Variants in UBE2E2 observed in about 807,000 individuals in gnomAD.
UBE2E2 encodes the protein ubiquitin conjugating enzyme E2 E2.
Under a neutral mutation model 24.7 loss-of-function variants are expected in UBE2E2, and 6 were observed. The observed-to-expected ratio is 0.24, with a 90% CI of 0.13 to 0.48. The LOEUF (loss-of-function observed/expected upper bound fraction) is 0.48, where lower values mean the gene tolerates loss of function less well. Ranked by LOEUF, UBE2E2 falls within the 20% of genes least tolerant of loss-of-function variation. UBE2E2 has a pLI of 0.99. For synonymous variants in UBE2E2, 104 were observed against 83.6 expected (o/e 1.24, Z -1.33); for missense variants, 169 against 245.0 (o/e 0.69, Z 2.07).
At chr3:23,411,084 T>C (rs1697485343) in intron 3 of UBE2E2, among the ~76,000 whole-genome samples, 1 of 152,004 alleles carries the variant, frequency 6.6e-6, no homozygotes, top group Non-Finnish European at 1.5e-5. Flanking sequence ...CAGGTGCAAA[T>C]ATTTCACATC....
intron 3 of UBE2E2, among the ~76,000 whole-genome samples, chr3:23,332,720 C>T (rs899484155): frequency 7.6e-6 from 1 of 132,382 alleles, no homozygotes; most frequent in African/African-American, 2.9e-5. Context: ...TGTGTGTGTG[C>T]AGCTATGGAT....
At chr3:23,494,324 A>G (rs1699561077) in intron 3 of UBE2E2, among the ~76,000 whole-genome samples, 1 of 152,226 alleles carries the variant, frequency 6.6e-6, no homozygotes, top group Non-Finnish European at 1.5e-5. Flanking sequence ...TCTTTACGCC[A>G]ATACATTCCA....
chr3:23,510,087 G>A (rs904799907), intron 4 of UBE2E2, among the ~76,000 whole-genome samples: 3 of 152,124 alleles, frequency 2.0e-5, no homozygotes, highest in Non-Finnish European at 4.4e-5. Context: ...CCGTAAGGTA[G>A]CAGCCTCTTA....
intron 3 of UBE2E2, among the ~76,000 whole-genome samples, chr3:23,434,660 G>A (rs1698144050): frequency 6.6e-6 from 1 of 152,022 alleles, no homozygotes; most frequent in Non-Finnish European, 1.5e-5. Flanking sequence ...TTAGGTAATT[G>A]CATAAAAATT....
At chr3:23,370,033 G>A (rs1168875289) in intron 3 of UBE2E2, among the ~76,000 whole-genome samples, 2 of 152,144 alleles carry the variant, frequency 1.3e-5, no homozygotes, top group Admixed American at 6.6e-5. Flanking sequence ...GCTGTTGTAA[G>A]GGCTGTAAAC....
At chr3:23,315,932 G>A (rs916442217) in intron 3 of UBE2E2, among the ~76,000 whole-genome samples, 1 of 152,040 alleles carries the variant, frequency 6.6e-6, no homozygotes, top group Non-Finnish European at 1.5e-5. Context: ...GGATTACCTG[G>A]CAGAGACTCT....
chr3:23,411,586 A>C (rs920309189), intron 3 of UBE2E2, among the ~76,000 whole-genome samples: 1 of 152,194 alleles, frequency 6.6e-6, no homozygotes, highest in Non-Finnish European at 1.5e-5. Context: ...TGCTAAATTA[A>C]ACATTTTAAA....
chr3:23,258,641 C>T (rs1404385669), intron 3 of UBE2E2, among the ~76,000 whole-genome samples: 1 of 152,076 alleles, frequency 6.6e-6, no homozygotes, highest in Admixed American at 6.6e-5. Context: ...CGCCTATAAT[C>T]CCACCACGTT....
At chr3:23,258,159 T>G (rs548096121) in intron 3 of UBE2E2, among the ~76,000 whole-genome samples, 1 of 152,324 alleles carries the variant, frequency 6.6e-6, no homozygotes, top group East Asian at 1.9e-4. Flanking sequence ...GAGACCATGT[T>G]ATTGAGCACA....
At chr3:23,449,941 C>A (rs1698526046) in intron 3 of UBE2E2, 2 of 985,318 alleles carry the variant, frequency 2.0e-6, no homozygotes, top group Non-Finnish European at 2.4e-6. Flanking sequence ...GAAATGTACC[C>A]CTGAAGAGGC....
chr3:23,446,046 A>G (rs1698422138), intron 3 of UBE2E2, among the ~76,000 whole-genome samples: 1 of 152,178 alleles, frequency 6.6e-6, no homozygotes, highest in African/African-American at 2.4e-5. Flanking sequence ...GTCTTGTACC[A>G]TGAGATCCAT....
At chr3:23,286,339 TA>T (rs1698614023) in intron 3 of UBE2E2, among the ~76,000 whole-genome samples, 2 of 152,296 alleles carry the variant, frequency 1.3e-5, no homozygotes, top group Admixed American at 6.5e-5. Context: ...TGGTGAGAGA[TA>T]GGGGTCTAGT....
intron 3 of UBE2E2, among the ~76,000 whole-genome samples, chr3:23,245,149 A>G (rs1484208321): frequency 1.3e-5 from 2 of 152,138 alleles, no homozygotes; most frequent in African/African-American, 4.8e-5. Flanking sequence ...GATAGTGGAA[A>G]GATGTTGAGA....
At position 23,562,970 on chromosome 3, in the gene UBE2E2, A is replaced by G. The variant is rs534022825; in HGVS notation, c.509-26764A>G. Among the ~76,000 whole-genome samples the G allele has an allele frequency of 9.8e-4, 149 of 151,832 alleles. 3 individuals carry two copies. The South Asian group carries it at 0.022, about 22-fold the overall frequency. On this transcript the variant is annotated intron_variant, in intron 5 of 5. Coordinates refer to ENST00000396703, the MANE Select transcript of UBE2E2 (RefSeq NM_152653.4). ...TTGATTCTTCTCTCTTTTCATCTTT[A>G]TTAGTCTTGCTAGCAGTCTATCAAT...
chr3:23,389,040 A>T (rs547664235), intron 3 of UBE2E2, among the ~76,000 whole-genome samples: 1 of 151,986 alleles, frequency 6.6e-6, no homozygotes, highest in Non-Finnish European at 1.5e-5. Flanking sequence ...AGAAAAAAAC[A>T]TAATTCAGCA....
At chr3:23,494,401 T>C (rs1163424014) in intron 3 of UBE2E2, among the ~76,000 whole-genome samples, 2 of 152,250 alleles carry the variant, frequency 1.3e-5, no homozygotes, top group South Asian at 4.1e-4. Context: ...ATAGTAATTA[T>C]TAAAATTATT....
intron 4 of UBE2E2, among the ~76,000 whole-genome samples, chr3:23,531,178 T>G (rs924706811): frequency 1.3e-5 from 2 of 152,198 alleles, no homozygotes; most frequent in Non-Finnish European, 2.9e-5. Context: ...TCGCATCATG[T>G]AAATTACATA....
chr3:23,303,420 A>C (rs573319024), intron 3 of UBE2E2, among the ~76,000 whole-genome samples: 59 of 152,294 alleles, frequency 3.9e-4, no homozygotes, highest in African/African-American at 1.4e-3. Context: ...TGCTGGTGCC[A>C]GAAAGGTTGG....
At chr3:23,526,379 T>G (rs1326357963) in intron 4 of UBE2E2, among the ~76,000 whole-genome samples, 1 of 152,202 alleles carries the variant, frequency 6.6e-6, no homozygotes, top group East Asian at 1.9e-4. Flanking sequence ...TACTCTTAAG[T>G]TATGGTTCTA....
Sources: allele counts gnomAD v4.1 joint callset (sites outside exome capture counted in the v4.1 genomes callset), GRCh38; gene constraint gnomAD v4.1.1; transcripts MANE v1.5; gene names NCBI Gene and HGNC (gene_info 2026-07-23, HGNC 2026-07-21).